PRKAG1: variants seen among roughly 807,000 people sequenced by gnomAD.
The protein encoded by PRKAG1 is 5'-AMP-activated protein kinase subunit gamma-1.
PRKAG1 carries 27 observed loss-of-function variants against 48.2 expected under a neutral mutation model. The ratio of observed to expected loss-of-function variants is 0.56; its 90% CI spans 0.41 to 0.77. The LOEUF is 0.77. Ranked by LOEUF, PRKAG1 falls within the 30% of genes least tolerant of loss-of-function variation. The probability of loss-of-function intolerance (pLI) is 0.00; values close to 1 mark genes in which losing one functional copy is unlikely to be tolerated. For missense variants in PRKAG1, 287 were observed against 398.3 expected (o/e 0.72, Z 2.38); for synonymous variants, 130 against 147.7 (o/e 0.88, Z 0.87).
intron 2 of PRKAG1, among the ~76,000 whole-genome samples, chr12:49,007,859 CTTTT>C (rs766217437): frequency 2.2e-5 from 3 of 136,528 alleles, no homozygotes. Flanking sequence ...GTATTTCAAT[CTTTT>C]TTTTTTTTTT....
chr12:49,005,683 G>A lies in PRKAG1; in HGVS notation c.168+60C>T. 1.2e-6 allele frequency: 2 copies of A among 1,607,368 alleles called. No individual in the cohort carries two copies. The highest frequency in any genetic ancestry group is 3.3e-5 in the Admixed American group (2 of 59,970). ...AGGATATTACCCTTAGGATGAGATA[G>A]GATGAGAGGTATTAAACCACAGGCT... is the stretch of plus-strand genomic sequence containing the variant. On this transcript the variant is annotated intron_variant, in intron 3 of 11. Transcript: ENST00000548065. This position sits in a 1 kb window ranked among gnomAD's most constrained non-coding sequence, Gnocchi z 4.1.
intron 1 of PRKAG1, chr12:49,016,470 T>G (rs1164572155): frequency 2.0e-5 from 3 of 152,250 alleles, no homozygotes; most frequent in African/African-American, 7.2e-5. Flanking sequence ...ATTCTCGCTG[T>G]GGTTCCCATC....
chr12:49,016,699 C>T (rs1215898930), intron 1 of PRKAG1: 1 of 154,668 alleles, frequency 6.5e-6, no homozygotes, highest in Non-Finnish European at 1.4e-5. Flanking sequence ...TTCACCAAAG[C>T]ATCTCAGATT....
rs1354370099 is a variant in PRKAG1, at chr12:49,005,121, TC to T, written c.353del (p.Arg118LysfsTer28). 6.2e-7 allele frequency: 1 copy of T among 1,613,922 alleles called. No homozygotes were observed. Among genetic ancestry groups the T allele is most frequent in the Non-Finnish European group, 8.5e-7 (1 of 1,179,990 alleles). On this transcript the variant is annotated frameshift_variant and splice_region_variant, in exon 6 of 12. Transcript: ENST00000548065. LOFTEE classifies it high-confidence loss of function. The surrounding 1 kb of genome is among the most constrained non-coding windows in gnomAD (Gnocchi z 4.1). ...TTATAACCCCAATTCTCTACATACC[TC>T]TCCAAGTTTCTATCTTGTGTTCTTC... ...ELEEHKIETW[R>X]EVYLQDSFKP...
chr12:49,002,789 A>G lies in PRKAG1; in HGVS notation c.*110T>C, dbSNP rs1941340435. 1 of 1,068,332 alleles carries G rather than the reference A, an allele frequency of 9.4e-7. No homozygotes were observed. The highest frequency in any genetic ancestry group is 2.6e-5 in the East Asian group (1 of 39,048). The allele number at this position is 1,068,332 out of a possible 1,614,324, so 66.2% of individuals were successfully genotyped here. On this transcript the variant is annotated 3_prime_UTR_variant, in exon 12 of 12. Transcript: ENST00000548065. Reference sequence around the variant, plus strand: ...CCAGATAGAAGGGCAGGGGACCCTGAACAGGGAACAGAGTCACAATTCCCT... The same window carrying G: ...CCAGATAGAAGGGCAGGGGACCCTGGACAGGGAACAGAGTCACAATTCCCT...
At position 49,004,813 on chromosome 12, in the gene PRKAG1, CTGTGTGTGTG is replaced by C. The variant is rs3832821; in HGVS notation, c.410+141_410+150del. On this transcript the variant is annotated intron_variant, in intron 7 of 11. Transcript: ENST00000548065. Reference sequence around the variant, plus strand: ...AGTGAGAATGAGAGAGAGAGAGAGACTGTGTGTGTGTGTGTGTGTGTGTGTGTGTGTGTGT... The same window carrying C: ...AGTGAGAATGAGAGAGAGAGAGAGACTGTGTGTGTGTGTGTGTGTGTGTGT... 4.3e-3 allele frequency: 3,038 copies of C among 713,948 alleles called. 4 individuals are homozygous for C. Among genetic ancestry groups the C allele is most frequent in the African/African-American group, 7.3e-3 (355 of 48,816 alleles). 44.2% of individuals were successfully genotyped at this position (713,948 alleles called of 1,614,324 possible).
At chr12:49,015,369 T>C (rs1440628248) in intron 1 of PRKAG1, among the ~76,000 whole-genome samples, 1 of 152,250 alleles carries the variant, frequency 6.6e-6, no homozygotes, top group Non-Finnish European at 1.5e-5. Flanking sequence ...CCTAGAACTA[T>C]CTTATACTTT....
At chr12:49,013,999 C>T (rs778465896) in intron 1 of PRKAG1, among the ~76,000 whole-genome samples, 15 of 152,130 alleles carry the variant, frequency 9.9e-5, no homozygotes, top group Admixed American at 4.6e-4. Context: ...ATTCCCGTGC[C>T]TCAGCCTCCT....
At position 49,002,715 on chromosome 12, in the gene PRKAG1, G is replaced by C; in HGVS notation, c.*184C>G. 1.4e-6 allele frequency: 1 copy of C among 709,344 alleles called. No homozygotes were observed. Among genetic ancestry groups the C allele is most frequent in the Non-Finnish European group, 2.5e-6 (1 of 395,742 alleles). 43.9% of individuals were successfully genotyped at this position (709,344 alleles called of 1,614,324 possible). On this transcript the variant is annotated 3_prime_UTR_variant, in exon 12 of 12. Coordinates refer to ENST00000548065, the MANE Select transcript of PRKAG1 (RefSeq NM_002733.5). ...TTTTCAAGTGTATGTGTGAGGGTAAGGGTAGCTATAAATCCATTCTCTTTC... is the reference window on the plus strand; with the variant it reads ...TTTTCAAGTGTATGTGTGAGGGTAACGGTAGCTATAAATCCATTCTCTTTC...
Position 49,003,176 on chromosome 12 carries a change from CCA to C in PRKAG1, c.854_855del (p.Leu285ArgfsTer20). On this transcript the variant is annotated frameshift_variant, in exon 11 of 12. Transcript: ENST00000548065. LOFTEE classifies it high-confidence loss of function. ...TCCACTAGCCTGTTGATGATGGTCT[CCA>C]GAGTCTCATGCAGGTAGCACTTGAG... ...GVLKCYLHET[L>X]ETIINRLVEA... The C allele has an allele frequency of 1.2e-6, 2 of 1,614,174 alleles. No individual in the cohort carries two copies. The highest frequency in any genetic ancestry group is 1.7e-6 in the Non-Finnish European group (2 of 1,180,038).
At chr12:49,011,141 C>CCCAATCTA (rs890314415) in intron 2 of PRKAG1, among the ~76,000 whole-genome samples, 7 of 152,134 alleles carry the variant, frequency 4.6e-5, no homozygotes, top group Admixed American at 4.6e-4. Flanking sequence ...CTACGCGCAG[C>CCCAATCTA]CCAATCTACC....
chr12:49,005,085 C>G lies in PRKAG1; in HGVS notation c.355+35G>C, dbSNP rs760105872. Reference sequence around the variant, plus strand: ...AAGTGTTTCCCAGAAACCCGCCATCCCTTTATCCTTTTATAACCCCAATTC... The same window carrying G: ...AAGTGTTTCCCAGAAACCCGCCATCGCTTTATCCTTTTATAACCCCAATTC... On this transcript the variant is annotated intron_variant, in intron 6 of 11. Transcript: ENST00000548065. This position sits in a 1 kb window ranked among gnomAD's most constrained non-coding sequence, Gnocchi z 4.1. 5 of 1,613,236 alleles carry G rather than the reference C, an allele frequency of 3.1e-6. No homozygotes were observed. The highest frequency in any genetic ancestry group is 1.7e-5 in the Admixed American group (1 of 60,000).
At chr12:49,012,366 AT>A (rs1224327923) in intron 2 of PRKAG1, among the ~76,000 whole-genome samples, 3 of 147,418 alleles carry the variant, frequency 2.0e-5, no homozygotes, top group South Asian at 2.1e-4. Context: ...CCTTTTCCTA[AT>A]TTTTTTCTTT....
chr12:49,006,859 C>T (rs1397453786), intron 2 of PRKAG1, among the ~76,000 whole-genome samples: 2 of 152,044 alleles, frequency 1.3e-5, no homozygotes, highest in Non-Finnish European at 2.9e-5. Flanking sequence ...ATCCCAGCTA[C>T]TCGGGAGGCT....
At position 49,005,380 on chromosome 12, in the gene PRKAG1, G is replaced by GAGC; in HGVS notation, c.251-19_251-17dup. The GAGC allele has an allele frequency of 6.2e-7, 1 of 1,614,040 alleles. No individual in the cohort carries two copies. Among genetic ancestry groups the GAGC allele is most frequent in the Non-Finnish European group, 8.5e-7 (1 of 1,180,016 alleles). On this transcript the variant is annotated splice_polypyrimidine_tract_variant and intron_variant, in intron 4 of 11. Transcript: ENST00000548065. This position sits in a 1 kb window ranked among gnomAD's most constrained non-coding sequence, Gnocchi z 4.1. ...GTCAGCATGCCTAGAGGACAAGACA[G>GAGC]AGCCCTCAGCACTGCCTGAAGCTTG...
intron 1 of PRKAG1, among the ~76,000 whole-genome samples, chr12:49,015,549 G>A (rs957847508): frequency 3.9e-5 from 6 of 152,178 alleles, no homozygotes; most frequent in Non-Finnish European, 8.8e-5. Context: ...CAACATAAGA[G>A]AGTCAAACAC....
intron 2 of PRKAG1, among the ~76,000 whole-genome samples, chr12:49,011,801 A>G (rs1339942538): frequency 6.6e-6 from 1 of 152,010 alleles, no homozygotes; most frequent in African/African-American, 2.4e-5. Flanking sequence ...ACCTCAGGTG[A>G]TCCACCTGCC....
intron 2 of PRKAG1, among the ~76,000 whole-genome samples, chr12:49,009,622 G>GT (rs990160215): frequency 2.4e-4 from 36 of 151,640 alleles, no homozygotes; most frequent in African/African-American, 8.2e-4. Flanking sequence ...TGTTGTTTTT[G>GT]TTTTTTTGAG....
At position 49,003,744 on chromosome 12, in the gene PRKAG1, C is replaced by G. The variant is rs1323818541; in HGVS notation, c.703+13G>C. ...TGGATCTTCCCTCCCTCTCCTTCTGCCCAATCTCTCACCCTTCTCATCCAC... is the reference window on the plus strand; with the variant it reads ...TGGATCTTCCCTCCCTCTCCTTCTGGCCAATCTCTCACCCTTCTCATCCAC... On this transcript the variant is annotated intron_variant, in intron 9 of 11. Coordinates refer to ENST00000548065, the MANE Select transcript of PRKAG1 (RefSeq NM_002733.5). 1 of 1,609,462 alleles carries G rather than the reference C, an allele frequency of 6.2e-7. No individual in the cohort carries two copies. Among genetic ancestry groups the G allele is most frequent in the African/African-American group, 1.3e-5 (1 of 74,844 alleles).
Sources: allele counts gnomAD v4.1 joint callset (sites outside exome capture counted in the v4.1 genomes callset), GRCh38; gene constraint gnomAD v4.1.1; non-coding constraint Gnocchi (gnomAD v3.1); transcripts MANE v1.5; gene names NCBI Gene and HGNC (gene_info 2026-07-23, HGNC 2026-07-21).